The following CTBP1 variants were observed in gnomAD, a reference collection of about 807,000 sequenced individuals.
CTBP1 encodes C-terminal-binding protein 1.
A neutral mutation model predicts 42.1 loss-of-function variants in CTBP1; 11 were observed. The observed-to-expected ratio is 0.26, with a 90% CI of 0.16 to 0.43. CTBP1 has a LOEUF of 0.43. CTBP1 is among the 20% of genes least tolerant of loss of function. The pLI, the probability that CTBP1 is intolerant of heterozygous loss-of-function variation, is 1.00. For synonymous variants in CTBP1, 324 were observed against 277.1 expected, an observed-to-expected ratio of 1.17 and a Z score of -1.68; for missense variants, 399 against 624.3, an observed-to-expected ratio of 0.64 and a Z score of 3.85.
intron 1 of CTBP1, chr4:1,248,615 G>T: frequency 8.6e-6 from 8 of 930,176 alleles, no homozygotes; most frequent in Non-Finnish European, 1.0e-5. Flanking sequence ...GTGGAGCTGG[G>T]GGTCCGGCGG....
At chr4:1,215,625 C>T in intron 6 of CTBP1, 2 of 331,546 alleles carry the variant, frequency 6.0e-6, no homozygotes, top group Non-Finnish European at 5.7e-6. Flanking sequence ...CAGCCCGTTC[C>T]AGCTGCAGAT....
At position 1,214,255 on chromosome 4, in the gene CTBP1, C is replaced by T. The variant is rs554428003; in HGVS notation, c.860+88G>A. On this transcript the variant is annotated intron_variant, in intron 7 of 9. Coordinates refer to ENST00000382952, the MANE Select transcript of CTBP1 (RefSeq NM_001012614.2). Reference sequence around the variant, plus strand: ...AGAGGCCTGAGTACAGGCAAGTGTCCGGCCTGGCAGAGGCGCCGTCTGGAG... The same window carrying T: ...AGAGGCCTGAGTACAGGCAAGTGTCTGGCCTGGCAGAGGCGCCGTCTGGAG... 53 of 1,413,978 alleles carry T rather than the reference C, an allele frequency of 3.7e-5. No homozygotes were observed. The East Asian group carries it at 5.9e-4, about 16-fold the overall frequency. 87.6% of individuals were successfully genotyped at this position (1,413,978 alleles called of 1,614,324 possible). A position where few individuals can be genotyped will look rare whatever the true frequency, so the allele number is the denominator to read the frequency against.
intron 3 of CTBP1, among the ~76,000 whole-genome samples, chr4:1,228,689 G>A (rs1192130169): frequency 1.4e-5 from 2 of 145,178 alleles, no homozygotes; most frequent in Non-Finnish European, 3.1e-5. Flanking sequence ...CCTTGTGGAA[G>A]AAACGGGGTC....
chr4:1,243,267 A>G, intron 1 of CTBP1: 3 of 985,398 alleles, frequency 3.0e-6, no homozygotes, highest in South Asian at 4.7e-5. Context: ...CTGAGGAAGA[A>G]GCAGATGTGT....
In CTBP1 at chr4:1,225,439, G is replaced by C; in HGVS notation, c.435C>G (p.Val145=). 6.5e-7 allele frequency: 1 copy of C among 1,549,250 alleles called. No homozygotes were observed. The highest frequency in any genetic ancestry group is 1.2e-5 in the South Asian group (1 of 84,334). ...LHQALREGTR[V]QSVEQIREVA... ...CCTCGCGGATCTGCTCGACGCTCTG[G>C]ACTCGTGTGCCCTCCCGCAGCGCCT... The change falls in exon 5 of 10, where the codon GTC becomes GTG. Residue 145 remains valine, a synonymous_variant. Coordinates refer to ENST00000382952, the MANE Select transcript of CTBP1 (RefSeq NM_001012614.2).
chr4:1,216,770 C>T, intron 5 of CTBP1: 1 of 167,134 alleles, frequency 6.0e-6, no homozygotes, highest in Non-Finnish European at 1.3e-5. Flanking sequence ...CCCACCCCAG[C>T]AGTCCAAGGC....
intron 2 of CTBP1, among the ~76,000 whole-genome samples, chr4:1,241,049 T>C (rs1375537067): frequency 6.6e-6 from 1 of 152,146 alleles, no homozygotes; most frequent in East Asian, 1.9e-4. Context: ...ATGGAGGCCC[T>C]CCGTGCCTCT....
intron 1 of CTBP1, chr4:1,243,792 T>C (rs761606593): frequency 1.5e-5 from 15 of 985,318 alleles, no homozygotes; most frequent in Non-Finnish European, 1.7e-5. Context: ...CAGAGGGGCC[T>C]GTGCTGTCCA....
intron 6 of CTBP1, among the ~76,000 whole-genome samples, chr4:1,215,127 C>G (rs1339364894): frequency 6.6e-6 from 1 of 152,190 alleles, no homozygotes; most frequent in Non-Finnish European, 1.5e-5. Flanking sequence ...ATTAAAGCCT[C>G]ACACCCAAGG....
intron 2 of CTBP1, 30 bp downstream of exon 2, chr4:1,241,295 C>G: frequency 1.2e-6 from 1 of 800,202 alleles, no homozygotes; most frequent in South Asian, 1.3e-5. Flanking sequence ...CGGCTTCACT[C>G]TGCCGCCGAC....
At chr4:1,242,838 ACATTTCACC>A (rs1732316145) in intron 1 of CTBP1, 11 of 985,312 alleles carry the variant, frequency 1.1e-5, no homozygotes, top group Non-Finnish European at 1.3e-5. Context: ...CCTAAATGTC[ACATTTCACC>A]CACGAGCCAG....
At chr4:1,216,294 C>A in intron 5 of CTBP1, 89 bp from the exon 6 acceptor site, 1 of 1,312,948 alleles carries the variant, frequency 7.6e-7, no homozygotes. Context: ...GGCCTCTGTG[C>A]CTCAGTTTGA....
At chr4:1,224,870 A>G (rs891302074) in intron 5 of CTBP1, among the ~76,000 whole-genome samples, 6 of 145,148 alleles carry the variant, frequency 4.1e-5, no homozygotes, top group Non-Finnish European at 9.0e-5. Flanking sequence ...TGTGGCATCT[A>G]TGACATCCGT....
rs189591696 is a variant in CTBP1 at position 1,231,790 on chromosome 4, C to G, written c.163-3447G>C. 2.4e-3 allele frequency among the ~76,000 whole-genome samples: 362 copies of G among 152,360 alleles called. 1 individual carries two copies. Among genetic ancestry groups the G allele is most frequent in the Middle Eastern group, 0.01 (3 of 294 alleles). On this transcript the variant is annotated intron_variant, in intron 3 of 9. Transcript: ENST00000382952. ...CGCAGGTTTCAGATTTCCAGAGAAA[C>G]TGCCAAAGCACCATCGAGACCGGCA... is the stretch of plus-strand genomic sequence containing the variant.
intron 1 of CTBP1, chr4:1,242,031 C>T (rs1732231319): frequency 1.0e-6 from 1 of 994,052 alleles, no homozygotes; most frequent in Non-Finnish European, 1.2e-6. Flanking sequence ...TCCAGCCTGG[C>T]ACTGCCTGCA....
At chr4:1,222,834 C>T (rs1245809928) in intron 5 of CTBP1, among the ~76,000 whole-genome samples, 4 of 152,120 alleles carry the variant, frequency 2.6e-5, no homozygotes, top group African/African-American at 7.2e-5. Flanking sequence ...CCACAGACCC[C>T]GACCCCAGGA....
At chr4:1,219,561 A>G (rs555798491) in intron 5 of CTBP1, among the ~76,000 whole-genome samples, 4 of 152,350 alleles carry the variant, frequency 2.6e-5, no homozygotes, top group Admixed American at 2.6e-4. Flanking sequence ...ACCCACACTC[A>G]CTGCTGCTGA....
At chr4:1,213,730 G>T in intron 7 of CTBP1, 125 bp from the exon 8 acceptor site, 1 of 1,251,088 alleles carries the variant, frequency 8.0e-7, no homozygotes, top group Non-Finnish European at 1.1e-6. Context: ...CCACGGCCCT[G>T]CTCTGCTCGG....
Position 1,233,596 on chromosome 4 carries a change from G to A in CTBP1, c.162+4587C>T, listed in dbSNP as rs1026411790. Reference sequence around the variant, plus strand: ...CTGGGCTGAAAACCCTTCTCCTGTGGAAATTCCAAAGCAGGCGAGTGGGGC... The same window carrying A: ...CTGGGCTGAAAACCCTTCTCCTGTGAAAATTCCAAAGCAGGCGAGTGGGGC... On this transcript the variant is annotated intron_variant, in intron 3 of 9. Coordinates refer to ENST00000382952, the MANE Select transcript of CTBP1 (RefSeq NM_001012614.2). The surrounding 1 kb of genome is among the most constrained non-coding windows in gnomAD (Gnocchi z 4.6). Among the ~76,000 whole-genome samples, 2 of 152,074 alleles carry A rather than the reference G, an allele frequency of 1.3e-5. No individual in the cohort carries two copies. Among genetic ancestry groups the A allele is most frequent in the Non-Finnish European group, 2.9e-5 (2 of 68,020 alleles).
Sources: gnomAD v4.1 joint callset for allele counts (sites outside exome capture counted in the v4.1 genomes callset) on GRCh38, gnomAD v4.1.1 for gene constraint, Gnocchi (gnomAD v3.1) non-coding constraint, MANE v1.5 for transcripts, NCBI Gene and HGNC (gene_info 2026-07-23, HGNC 2026-07-21) for gene names.